Variants in LEMD1 observed in about 807,000 individuals in gnomAD.
The protein encoded by LEMD1 is LEM domain containing 1.
A neutral mutation model predicts 17.4 loss-of-function variants in LEMD1; 18 were observed. That is an observed-to-expected ratio of 1.04 (90% CI 0.72 to 1.54). The LOEUF (loss-of-function observed/expected upper bound fraction) is 1.54, where lower values mean the gene tolerates loss of function less well. LEMD1 is among the 40% of genes most tolerant of loss of function. LEMD1 has a pLI of 0.00. For synonymous variants in LEMD1, 88 were observed against 77.8 expected (o/e 1.13, Z -0.69); for missense variants, 195 against 210.4 (o/e 0.93, Z 0.45).
At chr1:205,404,530 CT>C (rs1665000288) in intron 4 of LEMD1, among the ~76,000 whole-genome samples, 1 of 151,958 alleles carries the variant, frequency 6.6e-6, no homozygotes, top group African/African-American at 2.4e-5. Flanking sequence ...CAACCCCTGC[CT>C]TTTTTTGTTT....
chr1:205,401,883 T>G (rs1162964129), intron 4 of LEMD1, among the ~76,000 whole-genome samples: 1 of 152,028 alleles, frequency 6.6e-6, no homozygotes, highest in Non-Finnish European at 1.5e-5. Flanking sequence ...TTTTGTATAA[T>G]GTGTAAGGAA....
intron 4 of LEMD1, among the ~76,000 whole-genome samples, chr1:205,408,910 A>G (rs1047580005): frequency 1.3e-5 from 2 of 151,982 alleles, no homozygotes; most frequent in African/African-American, 2.4e-5. Context: ...CAGGAGTGCA[A>G]GTGGCATGAT....
intron 4 of LEMD1, among the ~76,000 whole-genome samples, chr1:205,389,489 C>A: frequency 6.6e-6 from 1 of 152,178 alleles, no homozygotes; most frequent in Admixed American, 6.5e-5. Context: ...CACAGGCTGA[C>A]ACCTGCAATT....
chr1:205,449,210 T>C (rs904831106), intron 1 of LEMD1, among the ~76,000 whole-genome samples: 40 of 152,146 alleles, frequency 2.6e-4, no homozygotes, highest in African/African-American at 9.2e-4. Flanking sequence ...ATTGAAGAGC[T>C]GAGTTAAGGC....
chr1:205,431,389 G>T (rs1489199346), intron 1 of LEMD1, among the ~76,000 whole-genome samples: 1 of 152,244 alleles, frequency 6.6e-6, no homozygotes, highest in East Asian at 1.9e-4. Context: ...CTTTGTGCCA[G>T]GCCGGGAGCT....
chr1:205,403,898 T>G (rs974713020), intron 4 of LEMD1, among the ~76,000 whole-genome samples: 2 of 152,172 alleles, frequency 1.3e-5, no homozygotes, highest in African/African-American at 4.8e-5. Flanking sequence ...TCTGGTATGT[T>G]GTGTCTTTGT....
At chr1:205,398,105 A>T (rs72747099) in intron 4 of LEMD1, among the ~76,000 whole-genome samples, 3,876 of 152,342 alleles carry the variant, frequency 0.025, 80 homozygotes, top group Non-Finnish European at 0.039. Context: ...GTTAAATTAC[A>T]TTCCTTGTAA....
At chr1:205,400,674 T>C (rs1049695088) in intron 4 of LEMD1, among the ~76,000 whole-genome samples, 9 of 152,142 alleles carry the variant, frequency 5.9e-5, no homozygotes, top group East Asian at 1.9e-4. Flanking sequence ...TCTTTTATTA[T>C]AGTATTTTTG....
intron 4 of LEMD1, among the ~76,000 whole-genome samples, chr1:205,405,861 T>G (rs1176341698): frequency 6.6e-6 from 1 of 151,596 alleles, no homozygotes; most frequent in African/African-American, 2.4e-5. Flanking sequence ...TTGATGATGG[T>G]GATGTACAGA....
chr1:205,432,904 A>G (rs1349906379), intron 1 of LEMD1, among the ~76,000 whole-genome samples: 3 of 152,202 alleles, frequency 2.0e-5, no homozygotes, highest in Admixed American at 1.3e-4. Context: ...CCAGCTACTC[A>G]GGAAGCTGAG....
chr1:205,446,168 T>C (rs1202045577), intron 1 of LEMD1, among the ~76,000 whole-genome samples: 2 of 152,222 alleles, frequency 1.3e-5, no homozygotes, highest in Non-Finnish European at 2.9e-5. Context: ...TTCAATGCAA[T>C]TGAACAATCA....
intron 1 of LEMD1, among the ~76,000 whole-genome samples, chr1:205,443,762 C>T (rs1666336493): frequency 6.6e-6 from 1 of 152,226 alleles, no homozygotes; most frequent in Admixed American, 6.5e-5. Flanking sequence ...TGGGCTCTGT[C>T]TGCAGCATGC....
intron 4 of LEMD1, among the ~76,000 whole-genome samples, chr1:205,400,482 T>C (rs1664790111): frequency 6.6e-6 from 1 of 152,186 alleles, no homozygotes. Context: ...TTCTAAAGAA[T>C]TCCTGCCGAG....
At chr1:205,449,664 C>G (rs1483500719) in intron 1 of LEMD1, among the ~76,000 whole-genome samples, 1 of 152,184 alleles carries the variant, frequency 6.6e-6, no homozygotes, top group Non-Finnish European at 1.5e-5. Context: ...GCCAAACAAC[C>G]AGGCATCCTG....
At chr1:205,406,680 C>G (rs1288214374) in intron 4 of LEMD1, among the ~76,000 whole-genome samples, 1 of 152,232 alleles carries the variant, frequency 6.6e-6, no homozygotes, top group Non-Finnish European at 1.5e-5. Flanking sequence ...ATGCCTCACC[C>G]TGCTTTGGCT....
Position 205,381,385 on chromosome 1 carries a change from G to GT in LEMD1, c.*272dup. On this transcript the variant is annotated 3_prime_UTR_variant, in exon 6 of 6. Coordinates refer to ENST00000367153, the MANE Select transcript of LEMD1 (RefSeq NM_001199050.2). ...AAGAAAAACGCCAGACAGTTTCCTT[G>GT]TTTGACGCCTGCTCAAATATGGAAG... 3 of 466,834 alleles carry GT rather than the reference G, an allele frequency of 6.4e-6. No homozygotes were observed. The highest frequency in any genetic ancestry group is 7.8e-6 in the Non-Finnish European group (2 of 257,722). The allele number at this position is 466,834 out of a possible 1,614,324, so 28.9% of individuals were successfully genotyped here.
intron 4 of LEMD1, among the ~76,000 whole-genome samples, chr1:205,399,030 C>T (rs1428397326): frequency 1.3e-5 from 2 of 152,102 alleles, no homozygotes; most frequent in African/African-American, 4.8e-5. Flanking sequence ...GCCTGGCCAA[C>T]ATGGTGAAAC....
intron 1 of LEMD1, 149 bp from the exon 2 acceptor site, chr1:205,420,723 C>T: frequency 1.7e-6 from 1 of 581,802 alleles, no homozygotes; most frequent in South Asian, 2.0e-5. Context: ...TCTAGTTCTG[C>T]CATAAATCCC....
upstream of LEMD1, among the ~76,000 whole-genome samples, chr1:205,425,604 G>A (rs1321804885): frequency 6.6e-6 from 1 of 152,160 alleles, no homozygotes; most frequent in African/African-American, 2.4e-5. Context: ...GAGGAAACGA[G>A]TGAGCCCAGT....
Sources: allele counts gnomAD v4.1 joint callset (sites outside exome capture counted in the v4.1 genomes callset), GRCh38; gene constraint gnomAD v4.1.1; transcripts MANE v1.5; gene names NCBI Gene and HGNC (gene_info 2026-07-23, HGNC 2026-07-21).